ARPC4: variants seen among roughly 807,000 people sequenced by gnomAD.
ARPC4 encodes the protein actin-related protein 2/3 complex subunit 4.
A neutral mutation model predicts 22.8 loss-of-function variants in ARPC4; 3 were observed. That is an observed-to-expected ratio of 0.13 (90% CI 0.06 to 0.34). The LOEUF (loss-of-function observed/expected upper bound fraction) is 0.34, where lower values mean the gene tolerates loss of function less well. Among genes scored for constraint, ARPC4 ranks in the 10% least tolerant of loss-of-function variants. The pLI, the probability that ARPC4 is intolerant of heterozygous loss-of-function variation, is 1.00. For missense variants in ARPC4, 98 were observed against 211.0 expected, an observed-to-expected ratio of 0.46 and a Z score of 3.32; for synonymous variants, 80 against 72.5, an observed-to-expected ratio of 1.10 and a Z score of -0.52.
At chr3:9,800,540 T>C (rs1427166043) in intron 3 of ARPC4, among the ~76,000 whole-genome samples, 1 of 152,138 alleles carries the variant, frequency 6.6e-6, no homozygotes, top group Non-Finnish European at 1.5e-5. Flanking sequence ...TTCTTCTGTC[T>C]CAGTCTCCCA....
intron 4 of ARPC4, among the ~76,000 whole-genome samples, chr3:9,802,485 C>T (rs1390224620): frequency 6.7e-6 from 1 of 149,432 alleles, no homozygotes; most frequent in East Asian, 2.1e-4. Context: ...ACGCCATTCT[C>T]CTGCCTCAGC....
At chr3:9,804,300 C>A (rs564380961) in intron 5 of ARPC4, 1 of 307,364 alleles carries the variant, frequency 3.3e-6, no homozygotes, top group African/African-American at 2.1e-5. Context: ...TCACAAAGTC[C>A]TTGCCTCTAT....
chr3:9,793,731 TTTTTCATACATGTGGGCC>T (rs1430281898), intron 1 of ARPC4, among the ~76,000 whole-genome samples: 2 of 150,278 alleles, frequency 1.3e-5, no homozygotes, highest in African/African-American at 5.0e-5. Context: ...AAGTCCTCCC[TTTTTCATACATGTGGGCC>T]TTTTTCATAC....
chr3:9,794,607 C>T (rs533332848), intron 1 of ARPC4, among the ~76,000 whole-genome samples: 16 of 152,232 alleles, frequency 1.1e-4, no homozygotes, highest in East Asian at 3.9e-4. Flanking sequence ...AAGTTCGAGG[C>T]CGTAGTACAC....
Position 9,806,497 on chromosome 3 carries a change from G to T in ARPC4, c.*282G>T. The T allele has an allele frequency of 1.9e-6, 1 of 526,554 alleles. No individual in the cohort carries two copies. Among genetic ancestry groups the T allele is most frequent in the Non-Finnish European group, 3.4e-6 (1 of 295,424 alleles). The allele number at this position is 526,554 out of a possible 1,614,324, so 32.6% of individuals were successfully genotyped here. A position where few individuals can be genotyped will look rare whatever the true frequency, so the allele number is the denominator to read the frequency against. Reference sequence around the variant, plus strand: ...TGAAACTTAAACTCTGTGCTTGTAGGATACTGTAACCTTTTTGTCTTTTTT... The same window carrying T: ...TGAAACTTAAACTCTGTGCTTGTAGTATACTGTAACCTTTTTGTCTTTTTT... On this transcript the variant is annotated 3_prime_UTR_variant, in exon 6 of 6. Transcript: ENST00000397261.
chr3:9,796,921 A>G (rs142754080), intron 1 of ARPC4, among the ~76,000 whole-genome samples: 164 of 142,382 alleles, frequency 1.2e-3, no homozygotes, highest in African/African-American at 4.1e-3. Flanking sequence ...AGCCTGGGCA[A>G]CAGAGCGAGA....
chr3:9,794,180 C>G (rs2078826067), intron 1 of ARPC4, among the ~76,000 whole-genome samples: 1 of 152,122 alleles, frequency 6.6e-6, no homozygotes, highest in African/African-American at 2.4e-5. Context: ...CGGAGCCAGT[C>G]ACCCTTTTTA....
chr3:9,806,501 C>G lies in ARPC4; in HGVS notation c.*286C>G, dbSNP rs1308739753. The G allele has an allele frequency of 2.1e-6, 1 of 465,716 alleles. No homozygotes were observed. The highest frequency in any genetic ancestry group is 3.8e-6 in the Non-Finnish European group (1 of 260,382). The allele number at this position is 465,716 out of a possible 1,614,324, so 28.8% of individuals were successfully genotyped here. On this transcript the variant is annotated 3_prime_UTR_variant, in exon 6 of 6. Coordinates refer to ENST00000397261, the MANE Select transcript of ARPC4 (RefSeq NM_005718.5). ...ACTTAAACTCTGTGCTTGTAGGATA[C>G]TGTAACCTTTTTGTCTTTTTTTTTT...
At chr3:9,805,685 C>A (rs1047639110) in intron 5 of ARPC4, among the ~76,000 whole-genome samples, 1 of 152,222 alleles carries the variant, frequency 6.6e-6, no homozygotes, top group African/African-American at 2.4e-5. Flanking sequence ...AGGCATGGGC[C>A]ATTGGTTCAC....
intron 5 of ARPC4, among the ~76,000 whole-genome samples, chr3:9,805,330 C>T (rs1466593750): frequency 6.6e-6 from 1 of 152,178 alleles, no homozygotes; most frequent in African/African-American, 2.4e-5. Flanking sequence ...AGTAAAAGCA[C>T]CTGTCCAAAG....
chr3:9,804,373 A>G (rs1422868765), intron 5 of ARPC4, among the ~76,000 whole-genome samples: 3 of 152,190 alleles, frequency 2.0e-5, no homozygotes, highest in African/African-American at 2.4e-5. Flanking sequence ...AGTATAGGAC[A>G]ATTAATCATG....
At chr3:9,802,217 G>C (rs111567642) in intron 4 of ARPC4, among the ~76,000 whole-genome samples, 337 of 107,022 alleles carry the variant, frequency 3.1e-3, no homozygotes, top group Middle Eastern at 0.02. Flanking sequence ...CAGCCTGGGC[G>C]ACAGAGCAAG....
chr3:9,803,710 A>T (rs1257015778), intron 4 of ARPC4, 133 bp from the exon 5 acceptor site: 18 of 1,015,878 alleles, frequency 1.8e-5, no homozygotes, highest in Non-Finnish European at 2.6e-5. Context: ...CTGGAAGGGT[A>T]TGTAGCTTGG....
chr3:9,792,945 G>C (rs2078778943), upstream of ARPC4: 2 of 1,413,940 alleles, frequency 1.4e-6, no homozygotes, highest in Non-Finnish European at 1.8e-6. Flanking sequence ...GACAGCCCTA[G>C]GTGGAAAACT....
intron 1 of ARPC4, among the ~76,000 whole-genome samples, chr3:9,797,104 G>C (rs556784912): frequency 2.0e-4 from 31 of 152,068 alleles, no homozygotes; most frequent in African/African-American, 7.5e-4. Flanking sequence ...TTGCTATCCA[G>C]TTGAGCTGTT....
At chr3:9,806,185 C>T (rs557182807) in intron 5 of ARPC4, 25 bp from the exon 6 acceptor site, 2 of 1,613,600 alleles carry the variant, frequency 1.2e-6, no homozygotes, top group African/African-American at 2.7e-5. Flanking sequence ...AACCACCATG[C>T]ACTGCCTCTT....
At chr3:9,796,894 TC>T (rs749513391) in intron 1 of ARPC4, among the ~76,000 whole-genome samples, 75 of 143,720 alleles carry the variant, frequency 5.2e-4, no homozygotes, top group Non-Finnish European at 9.1e-4. Flanking sequence ...TGAGCCGAGA[TC>T]GTGCCACCGC....
intron 1 of ARPC4, among the ~76,000 whole-genome samples, chr3:9,793,396 G>A (rs1485519346): frequency 6.6e-6 from 1 of 152,224 alleles, no homozygotes; most frequent in Non-Finnish European, 1.5e-5. Flanking sequence ...TAGGAACCCG[G>A]AAGTGGGGTC....
At position 9,793,085 on chromosome 3, in the gene ARPC4, T is replaced by A. The variant is rs756844406; in HGVS notation, c.-37T>A. 1 of 1,545,896 alleles carries A rather than the reference T, an allele frequency of 6.5e-7. No homozygotes were observed. Among genetic ancestry groups the A allele is most frequent in the Non-Finnish European group, 8.7e-7 (1 of 1,145,710 alleles). The stretch of plus-strand genomic sequence containing the variant: ...GGCAGGCATCGCGGGGCTGGCCACT[T>A]CCGTACTTCCGCTTTCCGGCCCAGC... On this transcript the variant is annotated 5_prime_UTR_variant, in exon 1 of 6. Coordinates refer to ENST00000397261, the MANE Select transcript of ARPC4 (RefSeq NM_005718.5).
Sources: allele counts gnomAD v4.1 joint callset (sites outside exome capture counted in the v4.1 genomes callset), GRCh38; gene constraint gnomAD v4.1.1; transcripts MANE v1.5; gene names NCBI Gene and HGNC (gene_info 2026-07-23, HGNC 2026-07-21).